SPTBN1: variants seen among roughly 807,000 people sequenced by gnomAD.
The protein encoded by SPTBN1 is spectrin beta, non-erythrocytic 1, also known as spectrin beta chain, non-erythrocytic 1.
A neutral mutation model predicts 266.4 loss-of-function variants in SPTBN1; 32 were observed. The observed-to-expected ratio is 0.12, with a 90% CI of 0.09 to 0.16. The LOEUF (loss-of-function observed/expected upper bound fraction) is 0.16. Ranked by LOEUF, SPTBN1 falls within the 10% of genes least tolerant of loss-of-function variation. The pLI, the probability that SPTBN1 is intolerant of heterozygous loss-of-function variation, is 1.00. For synonymous variants in SPTBN1, 1,336 were observed against 1,162.2 expected (o/e 1.15, Z -3.04); for missense variants, 2,296 against 3,067.1 (o/e 0.75, Z 5.94).
At chr2:54,644,857 C>T (rs1043143002) in intron 20 of SPTBN1, among the ~76,000 whole-genome samples, 1 of 152,078 alleles carries the variant, frequency 6.6e-6, no homozygotes, top group African/African-American at 2.4e-5. Flanking sequence ...GTATTATCAC[C>T]GTTTAACAGT....
At chr2:54,663,453 G>A (rs944814253) in intron 32 of SPTBN1, 16 of 152,144 alleles carry the variant, frequency 1.1e-4, no homozygotes, top group Admixed American at 9.2e-4. Flanking sequence ...ACAGTTGATG[G>A]TACACAGGCT....
chr2:54,528,185 C>T (rs1361410679), intron 2 of SPTBN1: 1 of 152,606 alleles, frequency 6.6e-6, no homozygotes, highest in Non-Finnish European at 1.5e-5. Flanking sequence ...TAATCTCTCA[C>T]CTCTTTTTCT....
chr2:54,486,733 A>C (rs1668416173), intron 1 of SPTBN1, among the ~76,000 whole-genome samples: 1 of 151,338 alleles, frequency 6.6e-6, no homozygotes, highest in African/African-American at 2.4e-5. Context: ...AAAAATAATA[A>C]ATTAAAAAAA....
At chr2:54,650,066 C>T (rs924742283) in intron 26 of SPTBN1, 77 bp downstream of exon 26, 4 of 1,504,360 alleles carry the variant, frequency 2.7e-6, no homozygotes, top group Non-Finnish European at 3.5e-6. Context: ...GTAAGTATCT[C>T]CCTGTTCCTT....
chr2:54,587,113 A>G (rs1433604973), intron 2 of SPTBN1, among the ~76,000 whole-genome samples: 1 of 152,160 alleles, frequency 6.6e-6, no homozygotes, highest in Non-Finnish European at 1.5e-5. Flanking sequence ...TTTTGTGTAT[A>G]TTGCATGAAA....
chr2:54,526,645 A>G, intron 2 of SPTBN1, 79 bp downstream of exon 2: 1 of 1,498,256 alleles, frequency 6.7e-7, no homozygotes, highest in South Asian at 1.3e-5. Context: ...CCCTGTTCCC[A>G]TGACGCTGTC....
At chr2:54,622,554 A>T in intron 9 of SPTBN1, 67 bp downstream of exon 9, 1 of 1,546,214 alleles carries the variant, frequency 6.5e-7, no homozygotes, top group Non-Finnish European at 8.8e-7. Flanking sequence ...ACAGATCCCT[A>T]TGTTCTGATT....
intron 1 of SPTBN1, 82 bp downstream of exon 1, chr2:54,456,600 G>A (rs959592001): frequency 1.3e-5 from 2 of 151,782 alleles, no homozygotes; most frequent in Non-Finnish European, 2.9e-5. Flanking sequence ...GGACGGGCGG[G>A]AGGAGGGGCG....
At chr2:54,520,861 T>G (rs1670395103) in intron 1 of SPTBN1, among the ~76,000 whole-genome samples, 1 of 152,108 alleles carries the variant, frequency 6.6e-6, no homozygotes, top group Non-Finnish European at 1.5e-5. Context: ...TGCTCTGCTA[T>G]TAGAGGGATG....
At chr2:54,460,403 A>G (rs1379679853) in intron 1 of SPTBN1, among the ~76,000 whole-genome samples, 2 of 152,202 alleles carry the variant, frequency 1.3e-5, no homozygotes, top group African/African-American at 2.4e-5. Flanking sequence ...GAAGAGTCCT[A>G]TATACCATGG....
Position 54,629,729 on chromosome 2 carries a change from C to A in SPTBN1, c.2595C>A (p.Ile865=). The A allele has an allele frequency of 6.2e-7, 1 of 1,612,450 alleles. No individual in the cohort carries two copies. The highest frequency in any genetic ancestry group is 2.2e-5 in the East Asian group (1 of 44,880). ...AGGCTGATGCCTGTGAGCTCTGGATCGACGAGAAGGAGCAGTGGCTCAACA... is the reference window on the plus strand; with the variant it reads ...AGGCTGATGCCTGTGAGCTCTGGATAGACGAGAAGGAGCAGTGGCTCAACA... The part of the protein sequence containing the change: ...FSEADACELW[I]DEKEQWLNNM... Residue 865 remains isoleucine (I), a synonymous_variant, in exon 14 of 36, where the codon ATC becomes ATA. Transcript: ENST00000356805.
chr2:54,558,704 G>T lies in SPTBN1; in HGVS notation c.148+32138G>T, dbSNP rs1673054632. ...AGCCGAGCGCTGCGGAGGCTGCTGC[G>T]TGTTGGATGGGAGTGGGAGGGGGCT... On this transcript the variant is annotated intron_variant, in intron 2 of 35. Coordinates refer to ENST00000356805, the MANE Select transcript of SPTBN1 (RefSeq NM_003128.3). This position sits in a 1 kb window ranked among gnomAD's most constrained non-coding sequence, Gnocchi z 4.6. The T allele has an allele frequency of 6.4e-7, 1 of 1,560,520 alleles. No individual in the cohort carries two copies.
intron 24 of SPTBN1, among the ~76,000 whole-genome samples, chr2:54,648,688 C>G (rs1349238730): frequency 6.6e-6 from 1 of 152,240 alleles, no homozygotes; most frequent in Non-Finnish European, 1.5e-5. Flanking sequence ...CCGCTAAATT[C>G]TCCTGCCCCC....
rs563675366 is a variant in SPTBN1 at position 54,568,380 on chromosome 2, A to C, written c.149-30712A>C. Among the ~76,000 whole-genome samples, 33 of 150,860 alleles carry C rather than the reference A, an allele frequency of 2.2e-4. No individual in the cohort carries two copies. In the South Asian group the frequency reaches 3.3e-3, roughly 15 times the overall value. Reference sequence around the variant, plus strand: ...AAAAAAAAAAAAAAAAAAGAAGAAGAAGCACTGCCTTGGAAGTAATGGTGT... The same window carrying C: ...AAAAAAAAAAAAAAAAAAGAAGAAGCAGCACTGCCTTGGAAGTAATGGTGT... On this transcript the variant is annotated intron_variant, in intron 2 of 35. Coordinates refer to ENST00000356805, the MANE Select transcript of SPTBN1 (RefSeq NM_003128.3).
chr2:54,601,378 G>T (rs750033180), intron 3 of SPTBN1, among the ~76,000 whole-genome samples: 8 of 152,148 alleles, frequency 5.3e-5, no homozygotes, highest in Non-Finnish European at 1.0e-4. Context: ...AGTCTGTTTG[G>T]TTCATGGAAC....
At chr2:54,619,382 C>G (rs1677847197) in intron 7 of SPTBN1, among the ~76,000 whole-genome samples, 1 of 152,218 alleles carries the variant, frequency 6.6e-6, no homozygotes, top group Non-Finnish European at 1.5e-5. Context: ...TTTTCCTTAG[C>G]CCTAGTTCTT....
At chr2:54,594,370 A>C (rs1375725158) in intron 2 of SPTBN1, among the ~76,000 whole-genome samples, 1 of 152,254 alleles carries the variant, frequency 6.6e-6, no homozygotes, top group Non-Finnish European at 1.5e-5. Context: ...ATAAGATGCA[A>C]TATAGCAGCT....
chr2:54,507,482 T>G lies in SPTBN1; in HGVS notation c.-47-18890T>G, dbSNP rs115053189. Among the ~76,000 whole-genome samples the G allele has an allele frequency of 7.4e-3, 1,129 of 151,998 alleles. 13 individuals carry two copies. Among genetic ancestry groups the G allele is most frequent in the African/African-American group, 0.025 (1,035 of 41,410 alleles). ...TGAAGGAAGATTTTGTGGTAAGGGG[T>G]GATAATTGTCGGGTTGTTAGAAGAA... On this transcript the variant is annotated intron_variant, in intron 1 of 35. Transcript: ENST00000356805.
chr2:54,494,337 T>C (rs940594896), intron 1 of SPTBN1, among the ~76,000 whole-genome samples: 1 of 152,228 alleles, frequency 6.6e-6, no homozygotes, highest in African/African-American at 2.4e-5. Context: ...TTTAACAAAT[T>C]ACAGTATGAC....
Sources: gnomAD v4.1 joint callset for allele counts (sites outside exome capture counted in the v4.1 genomes callset) on GRCh38, gnomAD v4.1.1 for gene constraint, Gnocchi (gnomAD v3.1) non-coding constraint, MANE v1.5 for transcripts, NCBI Gene and HGNC (gene_info 2026-07-23, HGNC 2026-07-21) for gene names.